The following STX3 variants were observed in gnomAD, a reference collection of about 807,000 sequenced individuals.
The protein encoded by STX3 is syntaxin 3.
STX3 carries 19 observed loss-of-function variants against 40.2 expected under a neutral mutation model. The observed-to-expected ratio is 0.47, with a 90% CI of 0.33 to 0.69. The LOEUF (loss-of-function observed/expected upper bound fraction) is 0.69, where lower values mean the gene tolerates loss of function less well. Ranked by LOEUF, STX3 falls within the 30% of genes least tolerant of loss-of-function variation. STX3 has a pLI of 0.02. For missense variants in STX3, 364 were observed against 366.7 expected (o/e 0.99, Z 0.06); for synonymous variants, 122 against 132.2 (o/e 0.92, Z 0.53).
chr11:59,775,515 C>A (rs1426478940), intron 2 of STX3, among the ~76,000 whole-genome samples: 1 of 152,158 alleles, frequency 6.6e-6, no homozygotes, highest in African/African-American at 2.4e-5. Context: ...CTGAGAGGAC[C>A]CTCTTTGTTA....
intron 1 of STX3, among the ~76,000 whole-genome samples, chr11:59,761,364 C>G (rs1391232914): frequency 6.6e-6 from 1 of 152,188 alleles, no homozygotes; most frequent in East Asian, 1.9e-4. Flanking sequence ...ACCCCGCAAA[C>G]TTTACTTTTG....
chr11:59,768,825 C>G (rs75501583), intron 1 of STX3, among the ~76,000 whole-genome samples: 2 of 152,124 alleles, frequency 1.3e-5, no homozygotes, highest in East Asian at 3.9e-4. Flanking sequence ...GGGTCTGCTA[C>G]TCAAGCAAGG....
chr11:59,781,836 C>T, intron 2 of STX3: 1 of 1,031,378 alleles, frequency 9.7e-7, no homozygotes, highest in Non-Finnish European at 1.4e-6. Flanking sequence ...GCTTGGGATT[C>T]TGTCATTTTT....
intron 10 of STX3, chr11:59,799,921 A>G: frequency 8.1e-6 from 8 of 985,202 alleles, no homozygotes; most frequent in Non-Finnish European, 9.6e-6. Flanking sequence ...ATTGAAATAG[A>G]TGTTGAAATT....
At chr11:59,793,328 G>A in intron 7 of STX3, 52 bp from the exon 8 acceptor site, 1 of 1,602,654 alleles carries the variant, frequency 6.2e-7, no homozygotes, top group East Asian at 2.2e-5. Flanking sequence ...GCTGTGGCAG[G>A]GGCAGCCTTT....
In STX3 at chr11:59,793,081, A is replaced by G. The variant is rs1260772154; in HGVS notation, c.467-18A>G. Reference sequence around the variant, plus strand: ...ACCGTGATCTTATATTTGACGCTCTACTTCTTTTGTTACAAAGCTGGCAAA... The same window carrying G: ...ACCGTGATCTTATATTTGACGCTCTGCTTCTTTTGTTACAAAGCTGGCAAA... On this transcript the variant is annotated intron_variant, in intron 6 of 10. Coordinates refer to ENST00000337979, the MANE Select transcript of STX3 (RefSeq NM_004177.5). The G allele has an allele frequency of 1.2e-6, 2 of 1,612,332 alleles. No homozygotes were observed. The highest frequency in any genetic ancestry group is 2.2e-5 in the East Asian group (1 of 44,864).
chr11:59,802,375 G>A lies in STX3; in HGVS notation c.*1551G>A, dbSNP rs147514115. 3.1e-5 allele frequency: 31 copies of A among 985,516 alleles called. No individual in the cohort carries two copies. Among genetic ancestry groups the A allele is most frequent in the African/African-American group, 7.0e-5 (4 of 57,344 alleles). 61.0% of individuals were successfully genotyped at this position (985,516 alleles called of 1,614,324 possible). The stretch of plus-strand genomic sequence containing the variant: ...GTATATTTTCCGCTTTGACTTTAAC[G>A]CTTTCTAGGATAGGGTAAGCACCCT... On this transcript the variant is annotated 3_prime_UTR_variant, in exon 11 of 11. Coordinates refer to ENST00000337979, the MANE Select transcript of STX3 (RefSeq NM_004177.5).
chr11:59,797,655 C>T (rs545307531), intron 10 of STX3, among the ~76,000 whole-genome samples: 2 of 152,314 alleles, frequency 1.3e-5, no homozygotes, highest in South Asian at 2.1e-4. Flanking sequence ...TACCACTTCT[C>T]CCAGCATACC....
chr11:59,755,531 C>A lies in STX3; in HGVS notation c.-75C>A. 6.6e-7 allele frequency: 1 copy of A among 1,508,638 alleles called. No homozygotes were observed. Among genetic ancestry groups the A allele is most frequent in the Non-Finnish European group, 8.8e-7 (1 of 1,137,698 alleles). The allele number at this position is 1,508,638 out of a possible 1,614,324, so 93.5% of individuals were successfully genotyped here. A position where few individuals can be genotyped will look rare whatever the true frequency, so the allele number is the denominator to read the frequency against. ...CGGGCCCGGCCGCCGCTTCCGGCAG[C>A]TCACCTGGGAAGCGCTCACCTGGGA... On this transcript the variant is annotated 5_prime_UTR_variant, in exon 1 of 11. Transcript: ENST00000337979.
Position 59,804,225 on chromosome 11 carries a change from A to G in STX3, c.*3401A>G, listed in dbSNP as rs1040997958. ...TGAACTGCTGTGAGTTGGTCAAGTC[A>G]GGGCACTTCTGCTCTTCAGGCTCCT... On this transcript the variant is annotated 3_prime_UTR_variant, in exon 11 of 11. Coordinates refer to ENST00000337979, the MANE Select transcript of STX3 (RefSeq NM_004177.5). 6.6e-6 allele frequency: 1 copy of G among 152,226 alleles called. No homozygotes were observed. Among genetic ancestry groups the G allele is most frequent in the Non-Finnish European group, 1.5e-5 (1 of 68,070 alleles). The allele number at this position is 152,226 out of a possible 1,614,324, so 9.4% of individuals were successfully genotyped here.
upstream of STX3, chr11:59,754,596 G>T (rs965127640): frequency 3.9e-5 from 6 of 152,336 alleles, no homozygotes; most frequent in African/African-American, 1.4e-4. Flanking sequence ...ACACCAAGCA[G>T]GCTGCGAGGA....
rs777265548 is a variant in STX3 at position 59,795,385 on chromosome 11, A to G, written c.689A>G (p.Asp230Gly). ...MLVENQGEML[D>G]NIELNVMHTV... ...TGTTCTTTGCAGGGTGAGATGTTAG[A>G]TAACATAGAGTTGAATGTCATGCAC... is the stretch of plus-strand genomic sequence containing the variant. The change falls in exon 9 of 11, where the codon GAT (aspartate) becomes GGT (glycine). Residue 230 changes from aspartate (D) to glycine (G), a missense_variant. Asp to Gly is a moderately conservative substitution (Grantham distance 94, BLOSUM62 -1). Transcript: ENST00000337979. 2 of 1,613,068 alleles carry G rather than the reference A, an allele frequency of 1.2e-6. No individual in the cohort carries two copies. The highest frequency in any genetic ancestry group is 8.5e-7 in the Non-Finnish European group (1 of 1,179,656).
rs1266065735 is a variant in STX3, at chr11:59,787,135, A to G, written c.213A>G (p.Pro71=). 1 of 1,613,762 alleles carries G rather than the reference A, an allele frequency of 6.2e-7. No homozygotes were observed. The part of the protein sequence containing the change: ...SIILSAPIPE[P]KTKDDLEQLT... ...TTCTCTCTGCACCGATTCCAGAGCC[A>G]AGTGAGTGTTTACTTAGAACTGAGT... Residue 71 remains proline (P), a splice_region_variant and synonymous_variant, in exon 3 of 11, where the codon CCA becomes CCG. Coordinates refer to ENST00000337979, the MANE Select transcript of STX3 (RefSeq NM_004177.5).
At position 59,765,443 on chromosome 11, in the gene STX3, T is replaced by G. The variant is rs146481235; in HGVS notation, c.31-7768T>G. Among the ~76,000 whole-genome samples the G allele has an allele frequency of 3.7e-4, 57 of 152,226 alleles. No homozygotes were observed. In the East Asian group the frequency reaches 9.1e-3, roughly 24 times the overall value. ...ACCTTTGTAAGTGGTGGTGTTTGTC[T>G]TTAGGAATCCCCAGACCCTCATTTG... On this transcript the variant is annotated intron_variant, in intron 1 of 10. Coordinates refer to ENST00000337979, the MANE Select transcript of STX3 (RefSeq NM_004177.5).
rs776092540 is a variant in STX3 at position 59,801,702 on chromosome 11, A to G, written c.*878A>G. ...GAATCCTAAGCTCTGGAAATATTTC[A>G]TGACACTGGTGTATTCACTCATGTG... On this transcript the variant is annotated 3_prime_UTR_variant, in exon 11 of 11. Transcript: ENST00000337979. 2.1e-4 allele frequency: 204 copies of G among 985,876 alleles called. No homozygotes were observed. The highest frequency in any genetic ancestry group is 2.3e-4 in the Non-Finnish European group (192 of 829,936). 61.1% of individuals were successfully genotyped at this position (985,876 alleles called of 1,614,324 possible). A position where few individuals can be genotyped will look rare whatever the true frequency, so the allele number is the denominator to read the frequency against.
chr11:59,790,456 C>A (rs1865060653), intron 4 of STX3, 63 bp from the exon 5 acceptor site: 10 of 1,301,534 alleles, frequency 7.7e-6, no homozygotes, highest in Non-Finnish European at 1.1e-5. Context: ...GGAAGTTTCA[C>A]TGAATAGCAT....
Position 59,801,167 on chromosome 11 carries a change from C to CTT in STX3, c.*344_*345insTT. On this transcript the variant is annotated 3_prime_UTR_variant, in exon 11 of 11. Transcript: ENST00000337979. ...TGCACTTGGGAAAGCTCTTGTGAGA[C>CTT]TCTCCCAAGGTGCTGTATTTTTCTA... The CTT allele has an allele frequency of 7.9e-7, 1 of 1,268,906 alleles. No homozygotes were observed. The highest frequency in any genetic ancestry group is 2.4e-5 in the South Asian group (1 of 41,050). 78.6% of individuals were successfully genotyped at this position (1,268,906 alleles called of 1,614,324 possible). A position where few individuals can be genotyped will look rare whatever the true frequency, so the allele number is the denominator to read the frequency against.
chr11:59,800,947 C>A lies in STX3; in HGVS notation c.*123C>A. ...TTCCTGAGAGCGAGTGCGACCCGTTCCTTTGTTTCCTTGCAACCACCCTTG... is the reference window on the plus strand; with the variant it reads ...TTCCTGAGAGCGAGTGCGACCCGTTACTTTGTTTCCTTGCAACCACCCTTG... On this transcript the variant is annotated 3_prime_UTR_variant, in exon 11 of 11. Transcript: ENST00000337979. The A allele has an allele frequency of 6.5e-7, 1 of 1,536,002 alleles. No homozygotes were observed. Among genetic ancestry groups the A allele is most frequent in the South Asian group, 1.2e-5 (1 of 84,044 alleles).
rs770750376 is a variant in STX3, at chr11:59,755,529, AGCTCACCTGGGAAGC to A, written c.-64_-50del. 5 of 1,495,156 alleles carry A rather than the reference AGCTCACCTGGGAAGC, an allele frequency of 3.3e-6. No homozygotes were observed. Among genetic ancestry groups the A allele is most frequent in the Non-Finnish European group, 2.7e-6 (3 of 1,130,872 alleles). 92.6% of individuals were successfully genotyped at this position (1,495,156 alleles called of 1,614,324 possible). ...GGCGGGCCCGGCCGCCGCTTCCGGC[AGCTCACCTGGGAAGC>A]GCTCACCTGGGACGCGCTCACCTGG... On this transcript the variant is annotated 5_prime_UTR_variant, in exon 1 of 11. Coordinates refer to ENST00000337979, the MANE Select transcript of STX3 (RefSeq NM_004177.5).
Sources: gnomAD v4.1 joint callset for allele counts (sites outside exome capture counted in the v4.1 genomes callset) on GRCh38, gnomAD v4.1.1 for gene constraint, MANE v1.5 for transcripts, NCBI Gene and HGNC (gene_info 2026-07-23, HGNC 2026-07-21) for gene names.